The following ABCC4 variants were observed in gnomAD, a reference collection of about 807,000 sequenced individuals.
ABCC4 encodes the protein ATP binding cassette subfamily C member 4 (PEL blood group).
A neutral mutation model predicts 168.5 loss-of-function variants in ABCC4; 102 were observed. The observed-to-expected ratio is 0.61, with a 90% CI of 0.52 to 0.71. ABCC4 has a LOEUF of 0.71. ABCC4 is among the 30% of genes least tolerant of loss of function. The pLI, the probability that ABCC4 is intolerant of heterozygous loss-of-function variation, is 0.00. For missense variants in ABCC4, 1,402 were observed against 1,605.8 expected, an observed-to-expected ratio of 0.87 and a Z score of 2.17; for synonymous variants, 617 against 590.7, an observed-to-expected ratio of 1.04 and a Z score of -0.65.
rs115363993 is a variant in ABCC4 at position 95,125,712 on chromosome 13, T to C, written c.2456-9711A>G. On this transcript the variant is annotated intron_variant, in intron 19 of 30. Coordinates refer to ENST00000645237, the MANE Select transcript of ABCC4 (RefSeq NM_005845.5). ...TTGTAGGGGATTATCCTTGAAGCCATTGAAAACACCTGATAAATTGCCTCG... is the reference window on the plus strand; with the variant it reads ...TTGTAGGGGATTATCCTTGAAGCCACTGAAAACACCTGATAAATTGCCTCG... Among the ~76,000 whole-genome samples the C allele has an allele frequency of 5.9e-3, 903 of 152,298 alleles. 8 individuals are homozygous for C. Among genetic ancestry groups the C allele is most frequent in the African/African-American group, 0.02 (838 of 41,562 alleles).
intron 30 of ABCC4, among the ~76,000 whole-genome samples, chr13:95,028,755 A>T (rs1338183346): frequency 6.6e-6 from 1 of 152,200 alleles, no homozygotes; most frequent in Non-Finnish European, 1.5e-5. Context: ...CTAGTAAATA[A>T]ATCTGGTAAG....
chr13:95,187,343 G>A (rs573449907), intron 10 of ABCC4, among the ~76,000 whole-genome samples: 4 of 152,200 alleles, frequency 2.6e-5, no homozygotes, highest in East Asian at 3.9e-4. Context: ...AGTGGCTCAC[G>A]CCTGTAATCC....
At chr13:95,113,548 C>G (rs2139405834) in intron 20 of ABCC4, among the ~76,000 whole-genome samples, 1 of 145,704 alleles carries the variant, frequency 6.9e-6, no homozygotes, top group South Asian at 2.2e-4. Context: ...TTCATCCTTA[C>G]AGAGAGGCCT....
rs538983993 is a variant in ABCC4, at chr13:95,169,434, G to C, written c.1824+1098C>G. Among the ~76,000 whole-genome samples the C allele has an allele frequency of 3.3e-5, 5 of 152,242 alleles. No homozygotes were observed. In the Middle Eastern group the frequency reaches 0.01, roughly 311 times the overall value. ...TCCAGTAGCCTCTGTCCTAGTTCCA[G>C]GGCCTCTGACAACTGCTCTGAGCCC... On this transcript the variant is annotated intron_variant, in intron 14 of 30. Coordinates refer to ENST00000645237, the MANE Select transcript of ABCC4 (RefSeq NM_005845.5).
At chr13:95,276,819 G>A (rs1448161425) in intron 1 of ABCC4, among the ~76,000 whole-genome samples, 1 of 152,170 alleles carries the variant, frequency 6.6e-6, no homozygotes, top group Non-Finnish European at 1.5e-5. Flanking sequence ...AGGAGTCCGA[G>A]ACCAGCCTGG....
chr13:95,078,501 A>G (rs543561080), intron 21 of ABCC4, among the ~76,000 whole-genome samples: 2 of 152,328 alleles, frequency 1.3e-5, no homozygotes, highest in South Asian at 4.1e-4. Context: ...TCAGCTCTCT[A>G]TAACCTGTAA....
chr13:95,032,688 G>A (rs919988886), intron 30 of ABCC4, among the ~76,000 whole-genome samples: 22 of 150,328 alleles, frequency 1.5e-4, no homozygotes, highest in African/African-American at 4.9e-4. Context: ...TTTTTGAGAC[G>A]CAGTTTCGCT....
At chr13:95,300,683 C>G (rs948955597) in intron 1 of ABCC4, among the ~76,000 whole-genome samples, 1 of 151,960 alleles carries the variant, frequency 6.6e-6, no homozygotes, top group African/African-American at 2.4e-5. Flanking sequence ...TAAGGAATAT[C>G]GGAAGGGGTG....
chr13:95,099,769 C>T (rs927552431), intron 20 of ABCC4, among the ~76,000 whole-genome samples: 5 of 152,120 alleles, frequency 3.3e-5, no homozygotes, highest in Non-Finnish European at 5.9e-5. Context: ...CTATCGGCTT[C>T]ATGACTCAAC....
At chr13:95,108,866 T>C (rs1018560445) in intron 20 of ABCC4, among the ~76,000 whole-genome samples, 11 of 152,074 alleles carry the variant, frequency 7.2e-5, no homozygotes, top group Admixed American at 4.6e-4. Context: ...CTCCATACAA[T>C]GTGCCCCTCC....
intron 1 of ABCC4, among the ~76,000 whole-genome samples, chr13:95,259,821 G>T (rs906208079): frequency 6.7e-6 from 1 of 149,722 alleles, no homozygotes; most frequent in Non-Finnish European, 1.5e-5. Flanking sequence ...AAGAATTACA[G>T]TAAGATGGGA....
intron 19 of ABCC4, among the ~76,000 whole-genome samples, chr13:95,143,395 AATGTTCTAGATAC>A (rs2036384803): frequency 6.6e-6 from 1 of 152,190 alleles, no homozygotes; most frequent in African/African-American, 2.4e-5. Context: ...GCCTACATGA[AATGTTCTAGATAC>A]ATTTATAATT....
chr13:95,044,327 C>A lies in ABCC4; in HGVS notation c.3568G>T (p.Ala1190Ser), dbSNP rs1481706677. Residue 1190 changes from alanine to serine, a missense_variant, in exon 28 of 31, where the codon GCA (alanine) becomes TCA (serine). Transcript: ENST00000645237. Reference protein sequence around the residue: ...GQRQLVCLARAILRKNQILII... With the variant: ...GQRQLVCLARSILRKNQILII... ...AATATCTGATTTTTCCTGAGAATTGCCCTGGCAAGGCACACCAGTTGTCTT... is the reference window on the plus strand; with the variant it reads ...AATATCTGATTTTTCCTGAGAATTGACCTGGCAAGGCACACCAGTTGTCTT... 4 of 1,613,284 alleles carry A rather than the reference C, an allele frequency of 2.5e-6. No homozygotes were observed. The Admixed American group carries it at 6.7e-5, about 27-fold the overall frequency.
intron 4 of ABCC4, among the ~76,000 whole-genome samples, chr13:95,233,875 A>G (rs2039690302): frequency 6.6e-6 from 1 of 152,162 alleles, no homozygotes; most frequent in South Asian, 2.1e-4. Context: ...AAATAGAAAC[A>G]CTATAAGTTC....
intron 3 of ABCC4, among the ~76,000 whole-genome samples, chr13:95,244,636 A>AGGAAG (rs1566563551): frequency 2.5e-5 from 1 of 39,518 alleles, no homozygotes; most frequent in Non-Finnish European, 4.9e-5. Context: ...AAAGAAAGAA[A>AGGAAG]GAAAGAAAGA....
chr13:95,193,878 C>T (rs929759304), intron 9 of ABCC4, among the ~76,000 whole-genome samples: 3 of 152,222 alleles, frequency 2.0e-5, no homozygotes, highest in African/African-American at 4.8e-5. Context: ...GCTCTGGCAT[C>T]ATGCAAGACC....
chr13:95,205,896 G>T (rs1326773160), intron 8 of ABCC4, among the ~76,000 whole-genome samples: 1 of 152,174 alleles, frequency 6.6e-6, no homozygotes, highest in African/African-American at 2.4e-5. Flanking sequence ...CCTTGTTACA[G>T]TCGTACAAAT....
intron 19 of ABCC4, among the ~76,000 whole-genome samples, chr13:95,145,451 T>C (rs57771832): frequency 0.077 from 10,989 of 143,084 alleles, 524 homozygotes; most frequent in South Asian, 0.14. Context: ...TAAAACCCCA[T>C]CTCTACCTAA....
chr13:95,183,141 C>T (rs948029404), intron 11 of ABCC4, among the ~76,000 whole-genome samples: 9 of 147,106 alleles, frequency 6.1e-5, no homozygotes, highest in African/African-American at 2.3e-4. Flanking sequence ...AAGGCAAAAT[C>T]TTTTATTTAT....
Sources: gnomAD v4.1 joint callset for allele counts (sites outside exome capture counted in the v4.1 genomes callset) on GRCh38, gnomAD v4.1.1 for gene constraint, MANE v1.5 for transcripts, NCBI Gene and HGNC (gene_info 2026-07-23, HGNC 2026-07-21) for gene names.